The following MRRF variants were observed in gnomAD, a reference collection of about 807,000 sequenced individuals.
MRRF encodes the protein ribosome-recycling factor, mitochondrial.
MRRF carries 18 observed loss-of-function variants against 25.1 expected under a neutral mutation model. The ratio of observed to expected loss-of-function variants is 0.72; its 90% confidence interval spans 0.50 to 1.06. The LOEUF is 1.06. MRRF is among the 50% of genes least tolerant of loss of function. MRRF has a pLI of 0.00. For synonymous variants in MRRF, 113 were observed against 112.1 expected (o/e 1.01, Z -0.05); for missense variants, 323 against 319.3 (o/e 1.01, Z -0.09).
intron 6 of MRRF, among the ~76,000 whole-genome samples, chr9:122,316,194 T>A: frequency 6.6e-6 from 1 of 152,116 alleles, no homozygotes; most frequent in East Asian, 1.9e-4. Context: ...TGTTTATTTT[T>A]ATTTATTTTT....
chr9:122,299,765 G>A (rs189741506), intron 5 of MRRF, among the ~76,000 whole-genome samples: 69 of 152,182 alleles, frequency 4.5e-4, no homozygotes, highest in Admixed American at 1.3e-3. Context: ...AGTGAAGAAA[G>A]TATCTCAAAG....
At chr9:122,278,083 T>A (rs1832887058) in intron 2 of MRRF, among the ~76,000 whole-genome samples, 1 of 152,104 alleles carries the variant, frequency 6.6e-6, no homozygotes, top group African/African-American at 2.4e-5. Context: ...GTTGAAATAT[T>A]CCTTTTTTTC....
chr9:122,307,338 G>A (rs1404476472), intron 5 of MRRF, among the ~76,000 whole-genome samples: 1 of 152,182 alleles, frequency 6.6e-6, no homozygotes, highest in Non-Finnish European at 1.5e-5. Context: ...TTCTCCCTTA[G>A]CCTGCTCCCC....
At chr9:122,266,037 A>G (rs1832060480) in intron 1 of MRRF, among the ~76,000 whole-genome samples, 2 of 152,260 alleles carry the variant, frequency 1.3e-5, no homozygotes, top group Admixed American at 6.5e-5. Context: ...TAGTAAGGGT[A>G]GATTCCCATC....
At chr9:122,302,240 C>G (rs749819521) in intron 5 of MRRF, among the ~76,000 whole-genome samples, 1 of 152,144 alleles carries the variant, frequency 6.6e-6, no homozygotes, top group Non-Finnish European at 1.5e-5. Context: ...GTTTTTAGTA[C>G]TGTATAGTCA....
At chr9:122,289,828 G>A (rs1833643593) in intron 4 of MRRF, among the ~76,000 whole-genome samples, 1 of 151,968 alleles carries the variant, frequency 6.6e-6, no homozygotes, top group Non-Finnish European at 1.5e-5. Context: ...AGGAGTTTGA[G>A]ACCAGCTTGG....
chr9:122,308,135 G>A (rs1339899364), intron 5 of MRRF, among the ~76,000 whole-genome samples: 1 of 152,106 alleles, frequency 6.6e-6, no homozygotes, highest in Non-Finnish European at 1.5e-5. Flanking sequence ...GACCCTGCCA[G>A]CTCAGCCAAA....
At chr9:122,266,547 T>G (rs988596611) in intron 1 of MRRF, among the ~76,000 whole-genome samples, 3 of 152,222 alleles carry the variant, frequency 2.0e-5, no homozygotes, top group Non-Finnish European at 2.9e-5. Context: ...CACTCTTTAG[T>G]TATGAGAACC....
Position 122,325,631 on chromosome 9 carries a change from G to GGTGTGTGTGTGTGTGTGTGTGTGTGT in MRRF, c.*3043_*3068dup, listed in dbSNP as rs35981240. 9.4e-5 allele frequency: 11 copies of GGTGTGTGTGTGTGTGTGTGTGTGTGT among 116,628 alleles called. No homozygotes were observed. Among genetic ancestry groups the GGTGTGTGTGTGTGTGTGTGTGTGTGT allele is most frequent in the African/African-American group, 3.4e-4 (10 of 29,052 alleles). 7.2% of individuals were successfully genotyped at this position (116,628 alleles called of 1,614,324 possible). A position where few individuals can be genotyped will look rare whatever the true frequency, so the allele number is the denominator to read the frequency against. Reference sequence around the variant, plus strand: ...GAATTTGAGAATTTTTTTCCTGTCTGGTGTGTGTGTGTGTGTGTGTGTGTG... The same window carrying GGTGTGTGTGTGTGTGTGTGTGTGTGT: ...GAATTTGAGAATTTTTTTCCTGTCTGGTGTGTGTGTGTGTGTGTGTGTGTGTGTGTGTGTGTGTGTGTGTGTGTGTG... On this transcript the variant is annotated 3_prime_UTR_variant, in exon 7 of 7. Coordinates refer to ENST00000344641, the MANE Select transcript of MRRF (RefSeq NM_138777.5).
intron 5 of MRRF, among the ~76,000 whole-genome samples, chr9:122,309,745 A>G (rs1027872748): frequency 5.3e-5 from 8 of 152,172 alleles, no homozygotes; most frequent in African/African-American, 1.9e-4. Flanking sequence ...TTCTGTCATA[A>G]TGTCTATAAT....
intron 5 of MRRF, among the ~76,000 whole-genome samples, chr9:122,298,777 A>G (rs1834248075): frequency 6.6e-6 from 1 of 152,212 alleles, no homozygotes; most frequent in Non-Finnish European, 1.5e-5. Context: ...ATGGTTAACA[A>G]CACACACATA....
intron 1 of MRRF, 97 bp downstream of exon 1, chr9:122,265,035 C>T (rs1219065634): frequency 6.6e-6 from 1 of 152,164 alleles, no homozygotes; most frequent in African/African-American, 2.4e-5. Context: ...GACCAGACTA[C>T]CGTCCCCGAC....
At chr9:122,294,287 T>C (rs1833952884) in intron 5 of MRRF, among the ~76,000 whole-genome samples, 1 of 152,246 alleles carries the variant, frequency 6.6e-6, no homozygotes, top group Admixed American at 6.5e-5. Flanking sequence ...CACATTTTTC[T>C]TTCAAAGATC....
At chr9:122,271,652 G>C (rs1487532261) in intron 2 of MRRF, among the ~76,000 whole-genome samples, 1 of 152,230 alleles carries the variant, frequency 6.6e-6, no homozygotes, top group Admixed American at 6.5e-5. Context: ...GATGCACTTA[G>C]AACAGCAGTG....
At chr9:122,287,200 G>A (rs1833469838) in intron 4 of MRRF, among the ~76,000 whole-genome samples, 1 of 152,108 alleles carries the variant, frequency 6.6e-6, no homozygotes, top group African/African-American at 2.4e-5. Flanking sequence ...GTACATTTGT[G>A]TACACATTTA....
intron 5 of MRRF, among the ~76,000 whole-genome samples, chr9:122,304,559 A>G (rs1171747753): frequency 1.3e-5 from 2 of 151,988 alleles, no homozygotes; most frequent in East Asian, 1.9e-4. Flanking sequence ...AGGACAGGCT[A>G]CTCTTGTCTC....
intron 5 of MRRF, among the ~76,000 whole-genome samples, chr9:122,307,074 G>A (rs1192488729): frequency 3.3e-5 from 5 of 152,132 alleles, no homozygotes; most frequent in Admixed American, 3.3e-4. Flanking sequence ...ATGAGGCGAG[G>A]GTGGTGTCCC....
Position 122,327,969 on chromosome 9 carries a change from C to G in MRRF, c.*5352C>G, listed in dbSNP as rs1410547249. The G allele has an allele frequency of 6.6e-6, 1 of 150,976 alleles. No homozygotes were observed. Among genetic ancestry groups the G allele is most frequent in the Non-Finnish European group, 1.5e-5 (1 of 67,816 alleles). 9.4% of individuals were successfully genotyped at this position (150,976 alleles called of 1,614,324 possible). A position where few individuals can be genotyped will look rare whatever the true frequency, so the allele number is the denominator to read the frequency against. ...GTAAAATATACATAAAATTTACTCT[C>G]TTAACCATGTTTTTTTTTTAGACAG... On this transcript the variant is annotated 3_prime_UTR_variant, in exon 7 of 7. Transcript: ENST00000344641.
intron 5 of MRRF, among the ~76,000 whole-genome samples, chr9:122,300,701 C>A (rs986744417): frequency 6.6e-6 from 1 of 152,078 alleles, no homozygotes; most frequent in Non-Finnish European, 1.5e-5. Context: ...TTCCTGAAGC[C>A]CCATGTTCTT....
Sources: gnomAD v4.1 joint callset for allele counts (sites outside exome capture counted in the v4.1 genomes callset) on GRCh38, gnomAD v4.1.1 for gene constraint, MANE v1.5 for transcripts, NCBI Gene and HGNC (gene_info 2026-07-23, HGNC 2026-07-21) for gene names.